The following ADARB2 variants were observed in gnomAD, a reference collection of about 807,000 sequenced individuals.
ADARB2 encodes the protein inactive double-stranded RNA-specific editase B2.
Under a neutral mutation model 62.2 loss-of-function variants are expected in ADARB2, and 25 were observed. That is an observed-to-expected ratio of 0.40 (90% confidence interval 0.29 to 0.56). ADARB2 has a LOEUF of 0.56. Ranked by LOEUF, ADARB2 falls within the 20% of genes least tolerant of loss-of-function variation. The pLI is 0.43. For synonymous variants in ADARB2, 572 were observed against 500.8 expected, an observed-to-expected ratio of 1.14 and a Z score of -1.90; for missense variants, 1,071 against 1,077.4, an observed-to-expected ratio of 0.99 and a Z score of 0.08.
At chr10:1,232,589 G>C (rs964455531) in intron 6 of ADARB2, among the ~76,000 whole-genome samples, 4 of 128,424 alleles carry the variant, frequency 3.1e-5, no homozygotes, top group Non-Finnish European at 6.8e-5. Context: ...TGGTATGCAT[G>C]TGGTATATGT....
chr10:1,649,934 G>T (rs184503555), intron 1 of ADARB2, among the ~76,000 whole-genome samples: 1 of 152,222 alleles, frequency 6.6e-6, no homozygotes, highest in African/African-American at 2.4e-5. Context: ...TTCCTGAGGA[G>T]CGATGATTAC....
intron 1 of ADARB2, among the ~76,000 whole-genome samples, chr10:1,608,774 G>GAGAAAGAAAGAAAGAGAGAAAGAA (rs1833528265): frequency 7.2e-6 from 1 of 139,418 alleles, no homozygotes; most frequent in Admixed American, 7.3e-5. Context: ...GAAAGAGAAA[G>GAGAAAGAAAGAAAGAGAGAAAGAA]AGAAAGAAAG....
intron 5 of ADARB2, among the ~76,000 whole-genome samples, chr10:1,234,297 T>G (rs1830841780): frequency 6.6e-6 from 1 of 151,760 alleles, no homozygotes; most frequent in South Asian, 2.1e-4. Context: ...CCCCCAAGTT[T>G]CTCCTTCTTC....
intron 6 of ADARB2, among the ~76,000 whole-genome samples, chr10:1,228,698 G>T (rs1196121434): frequency 6.6e-6 from 1 of 152,236 alleles, no homozygotes; most frequent in African/African-American, 2.4e-5. Flanking sequence ...TGAGTCTGCG[G>T]TCTCTGTCGC....
chr10:1,566,097 A>C (rs796434897), intron 1 of ADARB2, among the ~76,000 whole-genome samples: 19 of 138,604 alleles, frequency 1.4e-4, no homozygotes, highest in African/African-American at 2.4e-4. Context: ...AAAAAAAAAA[A>C]AAAAAAAAAA....
At chr10:1,693,635 ATTCT>A (rs1439995705) in intron 1 of ADARB2, among the ~76,000 whole-genome samples, 9 of 152,226 alleles carry the variant, frequency 5.9e-5, no homozygotes, top group East Asian at 3.9e-4. Flanking sequence ...AAATTCATTC[ATTCT>A]TTAATATATT....
intron 1 of ADARB2, among the ~76,000 whole-genome samples, chr10:1,492,205 G>A (rs560192418): frequency 2.2e-4 from 34 of 152,322 alleles, no homozygotes; most frequent in Admixed American, 2.0e-3. Flanking sequence ...GGATGAGAAT[G>A]AGAATGGCTG....
intron 6 of ADARB2, among the ~76,000 whole-genome samples, chr10:1,224,764 C>T (rs1282579498): frequency 6.6e-6 from 1 of 152,158 alleles, no homozygotes; most frequent in African/African-American, 2.4e-5. Flanking sequence ...AGTTTGATTG[C>T]ACTGTGGTCT....
chr10:1,370,876 C>T (rs1359205138), intron 2 of ADARB2, among the ~76,000 whole-genome samples: 2 of 152,224 alleles, frequency 1.3e-5, no homozygotes, highest in African/African-American at 4.8e-5. Flanking sequence ...GTCCACATTG[C>T]CTAAAGCAGT....
intron 1 of ADARB2, among the ~76,000 whole-genome samples, chr10:1,630,956 AAAAC>A (rs57053077): frequency 0.5 from 74,903 of 149,232 alleles, 18,929 homozygotes; most frequent in East Asian, 0.67. Flanking sequence ...CTCCTTCTCA[AAAAC>A]AAACAAACAA....
chr10:1,732,207 TG>T (rs1424341170), intron 1 of ADARB2, among the ~76,000 whole-genome samples: 1 of 151,752 alleles, frequency 6.6e-6, no homozygotes, highest in Admixed American at 6.6e-5. Context: ...GTAATATACA[TG>T]TATATATATA....
intron 3 of ADARB2, among the ~76,000 whole-genome samples, chr10:1,340,085 G>C (rs1423757293): frequency 6.7e-6 from 1 of 150,118 alleles, no homozygotes; most frequent in African/African-American, 2.5e-5. Flanking sequence ...AGAGAACCAC[G>C]TGCCCCACAG....
rs183069059 is a variant in ADARB2, at chr10:1,354,408, C to T, written c.1077+8620G>A. ...CCACCCCTGCCCACCAGAGAACAGC[C>T]CCCCTTTTTCCTTTACCTACCCAAA... On this transcript the variant is annotated intron_variant, in intron 3 of 9. Coordinates refer to ENST00000381312, the MANE Select transcript of ADARB2 (RefSeq NM_018702.4). Among the ~76,000 whole-genome samples, 652 of 152,180 alleles carry T rather than the reference C, an allele frequency of 4.3e-3. 5 individuals carry two copies. The highest frequency in any genetic ancestry group is 0.02 in the South Asian group (96 of 4,804).
chr10:1,329,455 G>A (rs190657912), intron 3 of ADARB2, among the ~76,000 whole-genome samples: 147 of 152,370 alleles, frequency 9.6e-4, no homozygotes, highest in African/African-American at 3.4e-3. Flanking sequence ...CATGTGCGAA[G>A]GCTGTGGCCT....
chr10:1,388,183 C>T lies in ADARB2; in HGVS notation c.101-9023G>A, dbSNP rs150330401. On this transcript the variant is annotated intron_variant, in intron 1 of 9. Coordinates refer to ENST00000381312, the MANE Select transcript of ADARB2 (RefSeq NM_018702.4). ...CCTAATTTATCTATAGATACAAAAC[C>T]CATTCTTCATGAAAATTCTCACCAC... 1.2e-3 allele frequency among the ~76,000 whole-genome samples: 189 copies of T among 152,116 alleles called. 4 individuals carry two copies. The East Asian group carries it at 0.029, about 23-fold the overall frequency.
chr10:1,301,289 TG>T (rs1477825849), intron 3 of ADARB2, among the ~76,000 whole-genome samples: 1 of 151,026 alleles, frequency 6.6e-6, no homozygotes, highest in African/African-American at 2.4e-5. Context: ...ACTTAACTGC[TG>T]AATGTTCATA....
chr10:1,480,476 G>T (rs533467937), intron 1 of ADARB2, among the ~76,000 whole-genome samples: 1 of 152,106 alleles, frequency 6.6e-6, no homozygotes, highest in South Asian at 2.1e-4. Flanking sequence ...AGGCGGGCGG[G>T]TCACTAGGTC....
intron 1 of ADARB2, among the ~76,000 whole-genome samples, chr10:1,591,674 C>CACACACAT (rs1300834238): frequency 6.6e-6 from 1 of 151,752 alleles, no homozygotes. Flanking sequence ...CACACACACA[C>CACACACAT]ACACGCACAC....
Position 1,363,364 on chromosome 10 carries a change from C to G in ADARB2, c.741G>C (p.Leu247=). The change falls in exon 3 of 10, where the codon CTG becomes CTC. Residue 247 remains leucine (L), a synonymous_variant. Coordinates refer to ENST00000381312, the MANE Select transcript of ADARB2 (RefSeq NM_018702.4). ...AGGRPGDAAL[L]SAAYGRRRLL... ...GCCGCCGTCGCCCGTAGGCCGCGGA[C>G]AGAAGCGCGGCGTCCCCGGGGCGGC... 2 of 1,305,854 alleles carry G rather than the reference C, an allele frequency of 1.5e-6. No individual in the cohort carries two copies. Among genetic ancestry groups the G allele is most frequent in the Non-Finnish European group, 1.9e-6 (2 of 1,027,384 alleles). 80.9% of individuals were successfully genotyped at this position (1,305,854 alleles called of 1,614,324 possible).
Sources: allele counts gnomAD v4.1 joint callset (sites outside exome capture counted in the v4.1 genomes callset), GRCh38; gene constraint gnomAD v4.1.1; transcripts MANE v1.5; gene names NCBI Gene and HGNC (gene_info 2026-07-23, HGNC 2026-07-21).